ARHGAP28: variants seen among roughly 807,000 people sequenced by gnomAD.
ARHGAP28 encodes the protein rho GTPase-activating protein 28.
A neutral mutation model predicts 90.7 loss-of-function variants in ARHGAP28; 56 were observed. That is an observed-to-expected ratio of 0.62 (90% CI 0.50 to 0.77). The LOEUF (loss-of-function observed/expected upper bound fraction) is 0.77, where lower values mean the gene tolerates loss of function less well. ARHGAP28 is among the 30% of genes least tolerant of loss of function. The probability of loss-of-function intolerance (pLI) is 0.00; values close to 1 mark genes in which losing one functional copy is unlikely to be tolerated. For missense variants in ARHGAP28, 869 were observed against 900.9 expected, an observed-to-expected ratio of 0.96 and a Z score of 0.45; for synonymous variants, 308 against 323.3, an observed-to-expected ratio of 0.95 and a Z score of 0.51.
In ARHGAP28 at chr18:6,837,309, A is replaced by G. The variant is rs1384144411; in HGVS notation, c.438A>G (p.Ala146=). The G allele has an allele frequency of 1.2e-6, 2 of 1,613,630 alleles. No individual in the cohort carries two copies. Among genetic ancestry groups the G allele is most frequent in the Non-Finnish European group, 1.7e-6 (2 of 1,179,860 alleles). Residue 146 remains alanine (A), a synonymous_variant, in exon 3 of 18, where the codon GCA becomes GCG. Transcript: ENST00000383472. ...ALLSTLTRTQ[A]AAVQKRYHTY... Reference sequence around the variant, plus strand: ...TCTCCACATTGACTCGAACCCAAGCAGCTGCCGTGCAAAAGAGATACCATA... The same window carrying G: ...TCTCCACATTGACTCGAACCCAAGCGGCTGCCGTGCAAAAGAGATACCATA...
At position 6,798,854 on chromosome 18, in the gene ARHGAP28, T is replaced by C. The variant is rs117227334; in HGVS notation, c.123-25908T>C. On this transcript the variant is annotated intron_variant, in intron 1 of 17. Coordinates refer to ENST00000383472, the MANE Select transcript of ARHGAP28 (RefSeq NM_001366230.1). ...TAAAAAATAAAAGCATTTCCATATA[T>C]ACTTACAATTCTTCTGTGTTTATGC... is the stretch of plus-strand genomic sequence containing the variant. Among the ~76,000 whole-genome samples, 116 of 152,356 alleles carry C rather than the reference T, an allele frequency of 7.6e-4. 1 individual carries two copies. The East Asian group carries it at 0.019, about 25-fold the overall frequency.
intron 1 of ARHGAP28, among the ~76,000 whole-genome samples, chr18:6,781,683 C>A (rs776033732): frequency 6.6e-6 from 1 of 152,196 alleles, no homozygotes; most frequent in Non-Finnish European, 1.5e-5. Context: ...GGCCCCAGCT[C>A]CCACCTGACA....
chr18:6,812,609 TATTGATCAGAGACATATAGC>T lies in ARHGAP28; in HGVS notation c.123-12152_123-12133del, dbSNP rs762036972. ...TACTCTCCATCCCCATGGCATCAGC[TATTGATCAGAGACATATAGC>T]TTTTCGTCTGCTGTCAGGGATTAGA... On this transcript the variant is annotated intron_variant, in intron 1 of 17. Coordinates refer to ENST00000383472, the MANE Select transcript of ARHGAP28 (RefSeq NM_001366230.1). Among the ~76,000 whole-genome samples the T allele has an allele frequency of 5.3e-3, 693 of 131,052 alleles. 5 individuals carry two copies. The highest frequency in any genetic ancestry group is 0.025 in the African/African-American group (557 of 21,986). The allele number at this position is 131,052 out of a possible 152,430, so 86.0% of individuals were successfully genotyped here.
chr18:6,795,516 A>G (rs2056435721), intron 1 of ARHGAP28, among the ~76,000 whole-genome samples: 1 of 152,206 alleles, frequency 6.6e-6, no homozygotes, highest in African/African-American at 2.4e-5. Context: ...GACCAAATGT[A>G]ACTATTTTCT....
At chr18:6,834,857 G>C (rs1260773705) in intron 2 of ARHGAP28, among the ~76,000 whole-genome samples, 1 of 152,152 alleles carries the variant, frequency 6.6e-6, no homozygotes, top group Non-Finnish European at 1.5e-5. Context: ...TACATTGGAT[G>C]GTGGGTTTCG....
intron 3 of ARHGAP28, among the ~76,000 whole-genome samples, chr18:6,845,686 G>C (rs1253418130): frequency 6.6e-6 from 1 of 152,202 alleles, no homozygotes; most frequent in Non-Finnish European, 1.5e-5. Flanking sequence ...TTGGTTTTCT[G>C]TTCCTGTGTT....
Position 6,896,627 on chromosome 18 carries a change from G to GTGAGTCAA in ARHGAP28, c.2030+4_2030+11dup, listed in dbSNP as rs1395113161. 1 of 1,613,756 alleles carries GTGAGTCAA rather than the reference G, an allele frequency of 6.2e-7. No homozygotes were observed. The highest frequency in any genetic ancestry group is 1.3e-5 in the African/African-American group (1 of 74,916). ...TGGCAAAATTTCAATATGAAAACAG[G>GTGAGTCAA]TGAGTCAATGTGAATGAAGGTCTCT... On this transcript the variant is annotated splice_donor_variant, in intron 16 of 17. Transcript: ENST00000383472. LOFTEE classifies it high-confidence loss of function.
At chr18:6,841,222 T>TCTCTCTCTCTCTCTCTCTCC (rs1555631541) in intron 3 of ARHGAP28, among the ~76,000 whole-genome samples, 1 of 100,106 alleles carries the variant, frequency 1.0e-5, no homozygotes, top group Non-Finnish European at 2.0e-5. Flanking sequence ...TCTCTCTCTC[T>TCTCTCTCTCTCTCTCTCTCC]CCCCCCAACC....
intron 1 of ARHGAP28, among the ~76,000 whole-genome samples, chr18:6,817,707 C>T (rs893145959): frequency 1.3e-5 from 2 of 152,190 alleles, no homozygotes; most frequent in Non-Finnish European, 2.9e-5. Flanking sequence ...GTGGCTGCTG[C>T]AGCACCAGTC....
chr18:6,769,805 C>T (rs561710268), intron 1 of ARHGAP28, among the ~76,000 whole-genome samples: 1 of 152,330 alleles, frequency 6.6e-6, no homozygotes, highest in South Asian at 2.1e-4. Context: ...GAACCCTGTA[C>T]TTACACATTT....
At chr18:6,746,354 G>A (rs1262793203) in intron 1 of ARHGAP28, among the ~76,000 whole-genome samples, 1 of 152,168 alleles carries the variant, frequency 6.6e-6, no homozygotes, top group Non-Finnish European at 1.5e-5. Flanking sequence ...GAACTCTACT[G>A]TTGTTATCGA....
chr18:6,894,755 A>G (rs2057292419), intron 14 of ARHGAP28, 80 bp from the exon 15 acceptor site: 4 of 1,172,138 alleles, frequency 3.4e-6, no homozygotes, highest in Non-Finnish European at 5.0e-6. Context: ...TTCTCCATAA[A>G]GATTGTACCA....
At chr18:6,898,576 C>T in intron 16 of ARHGAP28, 1 of 1,611,618 alleles carries the variant, frequency 6.2e-7, no homozygotes, top group Non-Finnish European at 8.5e-7. Flanking sequence ...TCCACATAGG[C>T]AGTCATATAG....
At chr18:6,870,944 G>A (rs2057082207) in intron 7 of ARHGAP28, among the ~76,000 whole-genome samples, 1 of 152,146 alleles carries the variant, frequency 6.6e-6, no homozygotes, top group African/African-American at 2.4e-5. Flanking sequence ...GGGACTACAG[G>A]CACCTGCCAA....
intron 1 of ARHGAP28, among the ~76,000 whole-genome samples, chr18:6,777,460 C>T (rs2143454217): frequency 6.6e-6 from 1 of 152,268 alleles, no homozygotes; most frequent in South Asian, 2.1e-4. Flanking sequence ...TGGTGGCTCA[C>T]ACCTGCAATC....
chr18:6,762,105 C>T (rs2056164942), intron 1 of ARHGAP28, among the ~76,000 whole-genome samples: 1 of 152,204 alleles, frequency 6.6e-6, no homozygotes, highest in Admixed American at 6.5e-5. Context: ...CATTGATTAG[C>T]TTTCCAGTGT....
chr18:6,761,913 A>G (rs974583255), intron 1 of ARHGAP28, among the ~76,000 whole-genome samples: 27 of 152,224 alleles, frequency 1.8e-4, no homozygotes, highest in Admixed American at 1.8e-3. Flanking sequence ...GTGGTTATAT[A>G]GGAAAGGTTT....
chr18:6,791,811 G>A (rs2056408021), intron 1 of ARHGAP28: 2 of 150,720 alleles, frequency 1.3e-5, no homozygotes. Flanking sequence ...TAAAGTGCCA[G>A]TTTTTTTCTT....
At position 6,759,427 on chromosome 18, in the gene ARHGAP28, A is replaced by G. The variant is rs1046424983; in HGVS notation, c.122+29484A>G. ...TTCTGTAGCATGTAAAGTTACAGGG[A>G]CTTACCTTCATTTTGGTGGTTCTTT... On this transcript the variant is annotated intron_variant, in intron 1 of 17. Transcript: ENST00000383472. 4.6e-5 allele frequency among the ~76,000 whole-genome samples: 7 copies of G among 152,298 alleles called. 2 individuals are homozygous for G.
Sources: allele counts gnomAD v4.1 joint callset (sites outside exome capture counted in the v4.1 genomes callset), GRCh38; gene constraint gnomAD v4.1.1; transcripts MANE v1.5; gene names NCBI Gene and HGNC (gene_info 2026-07-23, HGNC 2026-07-21).